SSH2: variants seen among roughly 807,000 people sequenced by gnomAD.
SSH2 encodes protein phosphatase Slingshot homolog 2.
SSH2 carries 37 observed loss-of-function variants against 135.2 expected under a neutral mutation model. That is an observed-to-expected ratio of 0.27 (90% confidence interval 0.21 to 0.36). SSH2 has a LOEUF of 0.36. Ranked by LOEUF, SSH2 falls within the 10% of genes least tolerant of loss-of-function variation. The pLI is 1.00. For missense variants in SSH2, 1,408 were observed against 1,765.3 expected (o/e 0.80, Z 3.63); for synonymous variants, 628 against 646.2 (o/e 0.97, Z 0.43).
chr17:29,664,233 C>T (rs1272192410), intron 11 of SSH2, among the ~76,000 whole-genome samples: 1 of 152,004 alleles, frequency 6.6e-6, no homozygotes, highest in Non-Finnish European at 1.5e-5. Flanking sequence ...ATTAGCCAGG[C>T]GTGGTAGTGT....
At chr17:29,694,541 C>T (rs372597963) in intron 5 of SSH2, among the ~76,000 whole-genome samples, 2 of 152,102 alleles carry the variant, frequency 1.3e-5, no homozygotes, top group South Asian at 2.1e-4. Context: ...TGGTAGTGTG[C>T]GCCTGTAGTC....
intron 3 of SSH2, among the ~76,000 whole-genome samples, chr17:29,745,295 G>T (rs1202917880): frequency 6.6e-6 from 1 of 152,006 alleles, no homozygotes; most frequent in African/African-American, 2.4e-5. Context: ...GAGTAGCGGG[G>T]ATTACAGGCG....
chr17:29,822,336 A>G (rs1363293868), intron 2 of SSH2, among the ~76,000 whole-genome samples: 3 of 152,156 alleles, frequency 2.0e-5, no homozygotes, highest in East Asian at 3.8e-4. Flanking sequence ...ATAATCATTG[A>G]AAAAAACTTC....
At chr17:29,879,523 G>A (rs2066098980) in intron 1 of SSH2, among the ~76,000 whole-genome samples, 2 of 151,754 alleles carry the variant, frequency 1.3e-5, no homozygotes, top group Admixed American at 1.3e-4. Flanking sequence ...CGACCAAAGT[G>A]GTACATTTGT....
At chr17:29,738,059 T>C (rs2040430408) in intron 3 of SSH2, among the ~76,000 whole-genome samples, 1 of 152,226 alleles carries the variant, frequency 6.6e-6, no homozygotes, top group South Asian at 2.1e-4. Flanking sequence ...GTATATCTCC[T>C]AATGCTATCC....
chr17:29,765,521 G>C (rs1300062397), intron 3 of SSH2, among the ~76,000 whole-genome samples: 2 of 152,154 alleles, frequency 1.3e-5, no homozygotes, highest in Non-Finnish European at 1.5e-5. Flanking sequence ...AAATGAAAAT[G>C]TTTAGATTAG....
At chr17:29,790,039 CT>C in intron 3 of SSH2, among the ~76,000 whole-genome samples, 1 of 152,174 alleles carries the variant, frequency 6.6e-6, no homozygotes, top group South Asian at 2.1e-4. Context: ...AAACTTTGGA[CT>C]TTAGGCTTCA....
chr17:29,856,249 A>G, intron 1 of SSH2: 1 of 299,522 alleles, frequency 3.3e-6, no homozygotes, highest in Non-Finnish European at 6.4e-6. Context: ...GCAATCCACA[A>G]CAGTTAAAAA....
At chr17:29,676,644 C>G (rs1408310741) in intron 8 of SSH2, 176 bp downstream of exon 8, 1 of 538,500 alleles carries the variant, frequency 1.9e-6, no homozygotes, top group Non-Finnish European at 3.3e-6. Context: ...ATACTCAAGG[C>G]CTTCCAATTG....
At chr17:29,808,952 CA>C (rs2042395477) in intron 2 of SSH2, among the ~76,000 whole-genome samples, 1 of 151,976 alleles carries the variant, frequency 6.6e-6, no homozygotes, top group Non-Finnish European at 1.5e-5. Flanking sequence ...GATCTCTTGT[CA>C]AAAAAAGATG....
At chr17:29,681,331 CAAAAAAAAAAAAAAAAAAAA>C (rs764461213) in intron 6 of SSH2, among the ~76,000 whole-genome samples, 17 of 14,356 alleles carry the variant, frequency 1.2e-3, no homozygotes, top group African/African-American at 4.8e-3. Context: ...GAGACTGTCT[CAAAAAAAAAAAAAAAAAAAA>C]AAAAAAAAAA....
chr17:29,727,908 C>T (rs1199402841), intron 3 of SSH2, among the ~76,000 whole-genome samples: 4 of 152,150 alleles, frequency 2.6e-5, no homozygotes, highest in African/African-American at 7.2e-5. Context: ...AGGCCAGGCG[C>T]GATCGCTCAC....
intron 6 of SSH2, among the ~76,000 whole-genome samples, chr17:29,683,516 A>C (rs1337507137): frequency 4.6e-5 from 7 of 152,140 alleles, no homozygotes; most frequent in African/African-American, 1.7e-4. Flanking sequence ...ATTTGGTAAA[A>C]GCAAGGTTTA....
Position 29,643,151 on chromosome 17 carries a change from T to C in SSH2, c.1427+4993A>G, listed in dbSNP as rs1598704634. ...TCATACAGTCATAGGAGTCTGGAGA[T>C]TTTTTTCTTTGCTCTTCTAAGCAGG... On this transcript the variant is annotated intron_variant, in intron 14 of 15. Transcript: ENST00000540801. 11 of 985,426 alleles carry C rather than the reference T, an allele frequency of 1.1e-5. No individual in the cohort carries two copies. In the South Asian group the frequency reaches 4.7e-4, roughly 42 times the overall value. The allele number at this position is 985,426 out of a possible 1,614,324, so 61.0% of individuals were successfully genotyped here. A position where few individuals can be genotyped will look rare whatever the true frequency, so the allele number is the denominator to read the frequency against.
At chr17:29,674,037 C>T in intron 8 of SSH2, 2 of 456,046 alleles carry the variant, frequency 4.4e-6, no homozygotes, top group South Asian at 3.1e-5. Context: ...AATAGAGTTA[C>T]TAGGACAAAG....
chr17:29,731,417 TTTTATTTATTTATTTATTTA>T (rs142032070), intron 3 of SSH2, among the ~76,000 whole-genome samples: 85 of 119,754 alleles, frequency 7.1e-4, no homozygotes, highest in South Asian at 5.6e-3. Flanking sequence ...CAGAAGTATT[TTTTATTTATTTATTTATTTA>T]TTTATTTATT....
intron 3 of SSH2, among the ~76,000 whole-genome samples, chr17:29,752,840 G>A (rs201345836): frequency 9.2e-5 from 13 of 141,394 alleles, no homozygotes; most frequent in African/African-American, 1.0e-4. Flanking sequence ...TCAAATCACA[G>A]AAAAAAAAAA....
chr17:29,925,475 G>C, intron 1 of SSH2: 1 of 398,332 alleles, frequency 2.5e-6, no homozygotes, highest in Non-Finnish European at 4.4e-6. Flanking sequence ...CAATTCTTTA[G>C]GAGGCTGAGA....
At chr17:29,755,622 A>C (rs2041088436) in intron 3 of SSH2, among the ~76,000 whole-genome samples, 1 of 151,514 alleles carries the variant, frequency 6.6e-6, no homozygotes, top group South Asian at 2.1e-4. Flanking sequence ...AGTCCATAGG[A>C]TCTCACTTTG....
Sources: allele counts gnomAD v4.1 joint callset (sites outside exome capture counted in the v4.1 genomes callset), GRCh38; gene constraint gnomAD v4.1.1; transcripts MANE v1.5; gene names NCBI Gene and HGNC (gene_info 2026-07-23, HGNC 2026-07-21).